SYN2: variants seen among roughly 807,000 people sequenced by gnomAD.
SYN2 encodes synapsin II, also known as synapsin-2.
Under a neutral mutation model 50.9 loss-of-function variants are expected in SYN2, and 19 were observed. The observed-to-expected ratio is 0.37, with a 90% CI of 0.26 to 0.55. The LOEUF is 0.55. Ranked by LOEUF, SYN2 falls within the 20% of genes least tolerant of loss-of-function variation. The pLI, the probability that SYN2 is intolerant of heterozygous loss-of-function variation, is 0.81. For synonymous variants in SYN2, 255 were observed against 224.9 expected (o/e 1.13, Z -1.20); for missense variants, 587 against 576.4 (o/e 1.02, Z -0.19).
chr3:12,048,369 T>C (rs1393669730), intron 1 of SYN2, among the ~76,000 whole-genome samples: 1 of 152,194 alleles, frequency 6.6e-6, no homozygotes, highest in Admixed American at 6.5e-5. Context: ...GGTTTTGCCA[T>C]GTTGGCCAGG....
chr3:12,145,781 C>T lies in SYN2; in HGVS notation c.630C>T (p.Leu210=), dbSNP rs766460977. ...HLIIGMQYAG[L]PSINSLESIY... ...TCATTGGTATGCAGTATGCAGGCCTCCCCAGCATCAACTCACTGGAATCCA... is the reference window on the plus strand; with the variant it reads ...TCATTGGTATGCAGTATGCAGGCCTTCCCAGCATCAACTCACTGGAATCCA... Residue 210 remains leucine, a synonymous_variant, in exon 4 of 13, where the codon CTC becomes CTT. Coordinates refer to ENST00000621198, the MANE Select transcript of SYN2 (RefSeq NM_133625.6). 6.2e-7 allele frequency: 1 copy of T among 1,613,978 alleles called. No individual in the cohort carries two copies. The highest frequency in any genetic ancestry group is 8.5e-7 in the Non-Finnish European group (1 of 1,179,878).
chr3:12,187,140 T>C (rs2124841373), intron 11 of SYN2, among the ~76,000 whole-genome samples: 1 of 152,300 alleles, frequency 6.6e-6, no homozygotes, highest in Non-Finnish European at 1.5e-5. Flanking sequence ...CTTGTCCTGC[T>C]GACTGCTGCT....
intron 7 of SYN2, among the ~76,000 whole-genome samples, chr3:12,164,281 A>G (rs1191576038): frequency 6.6e-6 from 1 of 152,246 alleles, no homozygotes; most frequent in African/African-American, 2.4e-5. Flanking sequence ...CTAAATTTTA[A>G]GGGTTAAGGT....
intron 5 of SYN2, chr3:12,159,082 C>T (rs1697561130): frequency 5.9e-6 from 3 of 505,110 alleles, no homozygotes; most frequent in Non-Finnish European, 1.0e-5. Flanking sequence ...GAGGCCCTGA[C>T]CTCTGTTTCC....
At chr3:12,073,578 G>T (rs1234582717) in intron 1 of SYN2, among the ~76,000 whole-genome samples, 1 of 152,108 alleles carries the variant, frequency 6.6e-6, no homozygotes, top group African/African-American at 2.4e-5. Context: ...CAAAAATAAA[G>T]CAACCCTTTA....
rs1698449074 is a variant in SYN2, at chr3:12,191,804, C to T, written c.*1179C>T. ...CATCAAGCTCCTCAGCTGAGGCCCA[C>T]ATGGTGGTGCCAATGAGGCTGGACC... On this transcript the variant is annotated 3_prime_UTR_variant, in exon 13 of 13. Transcript: ENST00000621198. Among the ~76,000 whole-genome samples, 1 of 152,162 alleles carries T rather than the reference C, an allele frequency of 6.6e-6. No individual in the cohort carries two copies. The highest frequency in any genetic ancestry group is 2.4e-5 in the African/African-American group (1 of 41,418).
At chr3:12,068,970 T>C (rs926768636) in intron 1 of SYN2, among the ~76,000 whole-genome samples, 12 of 152,234 alleles carry the variant, frequency 7.9e-5, no homozygotes, top group African/African-American at 2.4e-4. Flanking sequence ...GCTTTCTGCC[T>C]CTACAGAGTT....
At chr3:12,162,890 C>T (rs921887576) in intron 7 of SYN2, among the ~76,000 whole-genome samples, 10 of 152,298 alleles carry the variant, frequency 6.6e-5, no homozygotes, top group Non-Finnish European at 1.0e-4. Flanking sequence ...TTCCATAATA[C>T]GCATAAAATG....
At chr3:12,044,082 T>C (rs1694678866) in intron 1 of SYN2, among the ~76,000 whole-genome samples, 1 of 152,066 alleles carries the variant, frequency 6.6e-6, no homozygotes, top group African/African-American at 2.4e-5. Context: ...ACATGTTAAT[T>C]AATTGTTGAA....
intron 1 of SYN2, among the ~76,000 whole-genome samples, chr3:12,138,668 G>C (rs1362114658): frequency 1.3e-5 from 2 of 152,178 alleles, no homozygotes; most frequent in African/African-American, 2.4e-5. Context: ...AACAACTAGG[G>C]CAAGGAACAT....
At chr3:12,057,882 C>T (rs868795786) in intron 1 of SYN2, among the ~76,000 whole-genome samples, 3 of 152,252 alleles carry the variant, frequency 2.0e-5, no homozygotes, top group Non-Finnish European at 4.4e-5. Flanking sequence ...TAAACATACT[C>T]GAAACATAGT....
chr3:12,040,430 CT>C (rs34991752), intron 1 of SYN2, among the ~76,000 whole-genome samples: 52,440 of 108,998 alleles, frequency 0.48, 11,890 homozygotes, highest in Middle Eastern at 0.66. Flanking sequence ...AGTTCTGTTT[CT>C]TTTTTTTTTT....
intron 12 of SYN2, among the ~76,000 whole-genome samples, chr3:12,188,295 C>T (rs1009109480): frequency 6.6e-6 from 1 of 152,224 alleles, no homozygotes; most frequent in Admixed American, 6.5e-5. Context: ...CCCCTGCAAG[C>T]AGCAGAGCTG....
At chr3:12,179,467 GC>G (rs772951628) in intron 10 of SYN2, among the ~76,000 whole-genome samples, 5 of 150,198 alleles carry the variant, frequency 3.3e-5, no homozygotes, top group Non-Finnish European at 7.4e-5. Flanking sequence ...AGCTACATGA[GC>G]CCCCCTAACC....
intron 7 of SYN2, among the ~76,000 whole-genome samples, chr3:12,163,045 C>T (rs1697692091): frequency 6.6e-6 from 1 of 151,904 alleles, no homozygotes; most frequent in South Asian, 2.1e-4. Context: ...TCAAGACCAT[C>T]CTGGCTAACA....
At chr3:12,058,121 A>C (rs1039623281) in intron 1 of SYN2, among the ~76,000 whole-genome samples, 1 of 152,234 alleles carries the variant, frequency 6.6e-6, no homozygotes, top group African/African-American at 2.4e-5. Context: ...TACAATGTCT[A>C]TAAGGACACT....
At chr3:12,167,953 G>A (rs996213816) in intron 8 of SYN2, among the ~76,000 whole-genome samples, 2 of 152,192 alleles carry the variant, frequency 1.3e-5, no homozygotes, top group Admixed American at 1.3e-4. Context: ...GCCGCATTGT[G>A]TCCGTGCCCT....
intron 1 of SYN2, among the ~76,000 whole-genome samples, chr3:12,130,166 G>T (rs1696763139): frequency 6.6e-6 from 1 of 151,868 alleles, no homozygotes; most frequent in South Asian, 2.1e-4. Flanking sequence ...ATATATGTGT[G>T]TGTGAGTATA....
chr3:12,044,181 T>TCTCTCTCACACACACACACACA (rs573246278), intron 1 of SYN2, among the ~76,000 whole-genome samples: 7 of 53,350 alleles, frequency 1.3e-4, no homozygotes, highest in African/African-American at 3.2e-4. Flanking sequence ...TCTCTCTCTC[T>TCTCTCTCACACACACACACACA]CACACACACA....
Sources: allele counts gnomAD v4.1 joint callset (sites outside exome capture counted in the v4.1 genomes callset), GRCh38; gene constraint gnomAD v4.1.1; transcripts MANE v1.5; gene names NCBI Gene and HGNC (gene_info 2026-07-23, HGNC 2026-07-21).